The following ARB2A variants were observed in gnomAD, a reference collection of about 807,000 sequenced individuals.
ARB2A encodes the protein ARB2 cotranscriptional regulator A.
chr5:93,696,816 C>T, the ARB2A span, among the ~76,000 whole-genome samples: 1 of 152,000 alleles, frequency 6.6e-6, no homozygotes, highest in African/African-American at 2.4e-5. Context: ...AATCCCAGCA[C>T]TTCGGGAGGC....
chr5:93,645,815 T>C, the ARB2A span, among the ~76,000 whole-genome samples: 2 of 152,192 alleles, frequency 1.3e-5, no homozygotes, highest in African/African-American at 4.8e-5. Context: ...CAGAATTGCA[T>C]TTGACCCAAA....
the ARB2A span, among the ~76,000 whole-genome samples, chr5:93,930,230 C>T: frequency 2.4e-4 from 37 of 152,188 alleles, no homozygotes; most frequent in South Asian, 2.1e-4. Context: ...CTTGATAATA[C>T]GCAGATGAAG....
At chr5:93,696,536 T>C in the ARB2A span, among the ~76,000 whole-genome samples, 63 of 152,302 alleles carry the variant, frequency 4.1e-4, 3 homozygotes, top group Admixed American at 4.1e-3. Flanking sequence ...ATAGCTCCTT[T>C]GCAATCCTCA....
the ARB2A span, among the ~76,000 whole-genome samples, chr5:93,795,777 T>C: frequency 6.6e-6 from 1 of 151,460 alleles, no homozygotes; most frequent in East Asian, 1.9e-4. Flanking sequence ...ACCCACTAAA[T>C]GTTGGATTAT....
At chr5:93,969,327 C>T in the ARB2A span, among the ~76,000 whole-genome samples, 1 of 151,992 alleles carries the variant, frequency 6.6e-6, no homozygotes, top group Non-Finnish European at 1.5e-5. Flanking sequence ...ACTTGTACTA[C>T]ACATGAAGAT....
At chr5:93,889,305 T>C in the ARB2A span, among the ~76,000 whole-genome samples, 9 of 151,894 alleles carry the variant, frequency 5.9e-5, no homozygotes, top group African/African-American at 1.9e-4. Context: ...CATGTTGTGT[T>C]GTATACATTC....
the ARB2A span, among the ~76,000 whole-genome samples, chr5:93,957,305 A>G: frequency 6.6e-6 from 1 of 152,192 alleles, no homozygotes; most frequent in Admixed American, 6.5e-5. Context: ...TATTTCACCT[A>G]GCACTGCATG....
chr5:94,055,762 G>A, the ARB2A span: 2 of 985,410 alleles, frequency 2.0e-6, no homozygotes, highest in Non-Finnish European at 2.4e-6. Context: ...AATGAATTGA[G>A]GCTCTGGGAC....
chr5:93,785,488 A>G, the ARB2A span, among the ~76,000 whole-genome samples: 1 of 152,178 alleles, frequency 6.6e-6, no homozygotes, highest in Non-Finnish European at 1.5e-5. Flanking sequence ...TTCAAAAAAG[A>G]GAATTCTGAA....
chr5:93,632,306 C>T, the ARB2A span, among the ~76,000 whole-genome samples: 4 of 152,146 alleles, frequency 2.6e-5, no homozygotes, highest in African/African-American at 9.7e-5. Context: ...TGAGTGGCAA[C>T]AAGGAGCCAG....
the ARB2A span, among the ~76,000 whole-genome samples, chr5:93,683,958 C>A: frequency 4.0e-5 from 6 of 150,622 alleles, no homozygotes; most frequent in Non-Finnish European, 1.5e-5. Flanking sequence ...TTTAGTAATT[C>A]TTGTCAATGT....
chr5:94,067,519 T>C, the ARB2A span, among the ~76,000 whole-genome samples: 1 of 152,136 alleles, frequency 6.6e-6, no homozygotes, highest in African/African-American at 2.4e-5. Flanking sequence ...AAATCATTAG[T>C]GTTTCTAAAT....
chr5:93,696,687 G>GT, the ARB2A span, among the ~76,000 whole-genome samples: 9 of 152,000 alleles, frequency 5.9e-5, no homozygotes, highest in East Asian at 3.9e-4. Context: ...AGATAGAAGT[G>GT]TTTTTTTTGG....
the ARB2A span, among the ~76,000 whole-genome samples, chr5:93,893,504 T>A: frequency 6.6e-6 from 1 of 152,198 alleles, no homozygotes; most frequent in African/African-American, 2.4e-5. Flanking sequence ...AATGCCATGT[T>A]ATTATCTACC....
the ARB2A span, among the ~76,000 whole-genome samples, chr5:93,707,867 G>A: frequency 3.9e-5 from 6 of 151,994 alleles, no homozygotes; most frequent in East Asian, 1.9e-4. Flanking sequence ...GAGCCACCGC[G>A]CTCGACCAGT....
chr5:93,763,617 T>G, the ARB2A span, among the ~76,000 whole-genome samples: 1 of 152,154 alleles, frequency 6.6e-6, no homozygotes, highest in Non-Finnish European at 1.5e-5. Flanking sequence ...AACACCCCAC[T>G]GTCAACATTA....
the ARB2A span, among the ~76,000 whole-genome samples, chr5:93,972,854 T>A: frequency 6.6e-6 from 1 of 150,936 alleles, no homozygotes; most frequent in Non-Finnish European, 1.5e-5. Context: ...AGCAGGAGGA[T>A]CTCTTGAACC....
At chr5:93,835,460 T>C in the ARB2A span, among the ~76,000 whole-genome samples, 4 of 152,198 alleles carry the variant, frequency 2.6e-5, no homozygotes, top group East Asian at 3.8e-4. Context: ...AGTACTCCTA[T>C]AATATACACT....
the ARB2A span, among the ~76,000 whole-genome samples, chr5:93,880,755 T>C: frequency 6.6e-6 from 1 of 151,708 alleles, no homozygotes; most frequent in African/African-American, 2.4e-5. Flanking sequence ...CCCTACAGAA[T>C]TAGAAATCCT....
Sources: gnomAD v4.1 joint callset for allele counts (sites outside exome capture counted in the v4.1 genomes callset) on GRCh38, gnomAD v4.1.1 for gene constraint, MANE v1.5 for transcripts, NCBI Gene and HGNC (gene_info 2026-07-23, HGNC 2026-07-21) for gene names.